DIAPH2: variants seen among roughly 807,000 people sequenced by gnomAD.
DIAPH2 encodes diaphanous related formin 2.
A neutral mutation model predicts 92.7 loss-of-function variants in DIAPH2; 35 were observed. That is an observed-to-expected ratio of 0.38 (90% CI 0.29 to 0.50). DIAPH2 has a LOEUF of 0.50. Among genes scored for constraint, DIAPH2 ranks in the 20% least tolerant of loss-of-function variants. The pLI is 0.94. For synonymous variants in DIAPH2, 301 were observed against 280.4 expected (o/e 1.07, Z -0.73); for missense variants, 701 against 819.5 (o/e 0.86, Z 1.77).
chrX:96,724,206 G>A (rs944916641), intron 1 of DIAPH2, among the ~76,000 whole-genome samples: 2 of 111,135 alleles, frequency 1.8e-5, no homozygotes, highest in African/African-American at 6.6e-5. Context: ...GATTACAGGC[G>A]TGAGCCACCA....
intron 4 of DIAPH2, among the ~76,000 whole-genome samples, chrX:96,868,690 A>G (rs1399382498): frequency 9.0e-6 from 1 of 111,458 alleles, no homozygotes; most frequent in Non-Finnish European, 1.9e-5. Flanking sequence ...ATACCTGAAT[A>G]AGCTCTGCTG....
At chrX:97,470,173 G>C (rs1018126924) in intron 26 of DIAPH2, among the ~76,000 whole-genome samples, 1 of 111,293 alleles carries the variant, frequency 9.0e-6, no homozygotes, top group African/African-American at 3.3e-5. Flanking sequence ...GGTAGCCATG[G>C]TTTTTTGCCA....
chrX:97,423,872 T>G (rs1167165079), intron 25 of DIAPH2, among the ~76,000 whole-genome samples: 1 of 110,851 alleles, frequency 9.0e-6, no homozygotes, highest in Non-Finnish European at 1.9e-5. Context: ...AATAAACACA[T>G]AAACAATTTT....
intron 23 of DIAPH2, among the ~76,000 whole-genome samples, chrX:97,252,001 A>G (rs1483538428): frequency 9.0e-6 from 1 of 111,473 alleles, no homozygotes; most frequent in Non-Finnish European, 1.9e-5. Flanking sequence ...TCAAAGCATC[A>G]TTTTTACTTA....
At chrX:97,031,612 A>G (rs1218014737) in intron 17 of DIAPH2, among the ~76,000 whole-genome samples, 2 of 111,446 alleles carry the variant, frequency 1.8e-5, no homozygotes, top group African/African-American at 6.5e-5. Flanking sequence ...TTAAATGCAT[A>G]CTTATTTTCT....
At position 97,315,865 on chromosome X, in the gene DIAPH2, A is replaced by G. The variant is rs2068835936; in HGVS notation, c.2845-32251A>G. 2.7e-5 allele frequency among the ~76,000 whole-genome samples: 3 copies of G among 111,256 alleles called. No homozygotes were observed. In the South Asian group the frequency reaches 1.1e-3, roughly 42 times the overall value. On this transcript the variant is annotated intron_variant, in intron 23 of 26. Coordinates refer to ENST00000324765, the MANE Select transcript of DIAPH2 (RefSeq NM_006729.5). ...TGTAGAGTGCCTATTGCATTGACTG[A>G]TCAAGGATTCCTGTTAGATTGGAAA...
At chrX:96,953,972 C>G (rs747954072) in intron 15 of DIAPH2, 3 of 111,838 alleles carry the variant, frequency 2.7e-5, no homozygotes, top group South Asian at 7.5e-4. Flanking sequence ...TCCCTATAAA[C>G]AAAATATAGA....
intron 4 of DIAPH2, among the ~76,000 whole-genome samples, chrX:96,808,854 T>C (rs934320370): frequency 1.2e-4 from 13 of 111,937 alleles, no homozygotes; most frequent in African/African-American, 4.2e-4. Flanking sequence ...TGATGGTTGT[T>C]TTAAATTACG....
chrX:97,500,779 T>C (rs5920926), intron 26 of DIAPH2, among the ~76,000 whole-genome samples: 2 of 83,255 alleles, frequency 2.4e-5, no homozygotes, highest in Admixed American at 1.3e-4. Context: ...TATATATATA[T>C]ATATATATAT....
At chrX:96,723,941 T>TG (rs2064004884) in intron 1 of DIAPH2, among the ~76,000 whole-genome samples, 1 of 82,135 alleles carries the variant, frequency 1.2e-5, no homozygotes, top group African/African-American at 3.9e-5. Flanking sequence ...TTTTTTTTTT[T>TG]GAGACTGAGT....
chrX:96,833,296 C>T (rs1056602547), intron 4 of DIAPH2, among the ~76,000 whole-genome samples: 1 of 110,855 alleles, frequency 9.0e-6, no homozygotes, highest in African/African-American at 3.3e-5. Context: ...GAATTTGAAG[C>T]AAAATTTTCT....
intron 26 of DIAPH2, among the ~76,000 whole-genome samples, chrX:97,511,422 G>T (rs2070891779): frequency 9.7e-6 from 1 of 102,974 alleles, no homozygotes; most frequent in Non-Finnish European, 2.0e-5. Flanking sequence ...AGACAATGGG[G>T]TTTTCTAGAT....
At chrX:97,560,732 A>G (rs1213623362) in intron 26 of DIAPH2, among the ~76,000 whole-genome samples, 1 of 112,502 alleles carries the variant, frequency 8.9e-6, no homozygotes, top group Non-Finnish European at 1.9e-5. Flanking sequence ...ACCTCAGGTG[A>G]TCCGCCTGCC....
intron 26 of DIAPH2, among the ~76,000 whole-genome samples, chrX:97,530,625 T>G (rs1052058302): frequency 8.9e-6 from 1 of 111,855 alleles, no homozygotes; most frequent in Non-Finnish European, 1.9e-5. Context: ...CATGCATTAA[T>G]TGGCTTATGA....
At position 97,124,336 on chromosome X, in the gene DIAPH2, G is replaced by T. The variant is rs1015517227; in HGVS notation, c.2589+9371G>T. On this transcript the variant is annotated intron_variant, in intron 21 of 26. Transcript: ENST00000324765. ...GCCTCTTAAAATATAGAGGTCCCGT[G>T]AGCTTATTTAAAGATCTTTTTCTCT... Among the ~76,000 whole-genome samples, 12 of 112,078 alleles carry T rather than the reference G, an allele frequency of 1.1e-4. 1 individual carries two copies. Among genetic ancestry groups the T allele is most frequent in the African/African-American group, 3.6e-4 (11 of 30,875 alleles).
intron 17 of DIAPH2, among the ~76,000 whole-genome samples, chrX:97,034,611 T>C (rs2066397864): frequency 9.0e-6 from 1 of 111,300 alleles, no homozygotes; most frequent in Admixed American, 9.6e-5. Flanking sequence ...GATTTAAAAA[T>C]TAATCCATAC....
At chrX:96,776,725 A>G (rs2064380326) in intron 4 of DIAPH2, among the ~76,000 whole-genome samples, 1 of 110,409 alleles carries the variant, frequency 9.1e-6, no homozygotes, top group South Asian at 3.8e-4. Flanking sequence ...TTTACTAAAT[A>G]TTTCAATACA....
intron 22 of DIAPH2, among the ~76,000 whole-genome samples, chrX:97,149,730 CAAAAAAAAAAA>C (rs55853481): frequency 3.2e-5 from 1 of 31,118 alleles, no homozygotes; most frequent in Non-Finnish European, 5.8e-5. Context: ...GACTCCATCT[CAAAAAAAAAAA>C]AAAAAAAAAG....
intron 26 of DIAPH2, chrX:97,555,278 T>C (rs1307800278): frequency 7.9e-6 from 1 of 126,081 alleles, no homozygotes; most frequent in Admixed American, 9.4e-5. Flanking sequence ...TGCTTCATTA[T>C]GGTGATAACT....
Sources: gnomAD v4.1 joint callset for allele counts (sites outside exome capture counted in the v4.1 genomes callset) on GRCh38, gnomAD v4.1.1 for gene constraint, MANE v1.5 for transcripts, NCBI Gene and HGNC (gene_info 2026-07-23, HGNC 2026-07-21) for gene names.